Variants in CACNA1B observed in about 807,000 individuals in gnomAD.
CACNA1B encodes the protein calcium voltage-gated channel subunit alpha1 B.
In CACNA1B, 70 loss-of-function variants were observed where a neutral mutation model predicts 247.2. The observed-to-expected ratio is 0.28, with a 90% CI of 0.23 to 0.35. CACNA1B has a LOEUF of 0.35. Ranked by LOEUF, CACNA1B falls within the 10% of genes least tolerant of loss-of-function variation. CACNA1B has a pLI of 1.00. For synonymous variants in CACNA1B, 1,231 were observed against 1,294.4 expected, an observed-to-expected ratio of 0.95 and a Z score of 1.05; for missense variants, 2,367 against 3,197.4, an observed-to-expected ratio of 0.74 and a Z score of 6.26.
At position 138,046,909 on chromosome 9, in the gene CACNA1B, G is replaced by A. The variant is rs756199654; in HGVS notation, c.3419G>A (p.Arg1140His). 7 of 1,613,116 alleles carry A rather than the reference G, an allele frequency of 4.3e-6. No individual in the cohort carries two copies. Among genetic ancestry groups the A allele is most frequent in the Admixed American group, 1.7e-5 (1 of 59,978 alleles). The change falls in exon 22 of 47, where the codon CGC becomes CAC. Residue 1140 changes from arginine (R) to histidine (H), a missense_variant. Arg to His is a conservative substitution (Grantham distance 29). Transcript: ENST00000371372. Reference sequence around the variant, plus strand: ...ATCCGTGCCTTCCCTCACAGGCTCCGCCGCTTCTGCCACTACATCGTGACC... The same window carrying A: ...ATCCGTGCCTTCCCTCACAGGCTCCACCGCTTCTGCCACTACATCGTGACC... ...MFCLSPTNLL[R>H]RFCHYIVTMR...
At chr9:138,099,277 T>C (rs1400002663) in intron 37 of CACNA1B, among the ~76,000 whole-genome samples, 2 of 152,230 alleles carry the variant, frequency 1.3e-5, no homozygotes, top group Admixed American at 6.5e-5. Flanking sequence ...CACATGTGCA[T>C]GCACAAGGCG....
intron 39 of CACNA1B, among the ~76,000 whole-genome samples, chr9:138,108,914 A>G (rs1961531347): frequency 6.6e-6 from 1 of 152,216 alleles, no homozygotes; most frequent in African/African-American, 2.4e-5. Context: ...CTCCTCCCAA[A>G]GTGCTGGGAT....
chr9:138,103,714 G>A (rs1227374259), intron 38 of CACNA1B, among the ~76,000 whole-genome samples: 1 of 152,248 alleles, frequency 6.6e-6, no homozygotes, highest in Non-Finnish European at 1.5e-5. Context: ...ACGGCCTGTG[G>A]TTCAGCCAAC....
intron 20 of CACNA1B, among the ~76,000 whole-genome samples, chr9:138,037,298 C>A (rs1020115574): frequency 6.6e-6 from 1 of 152,194 alleles, no homozygotes; most frequent in African/African-American, 2.4e-5. Context: ...GCATCCCTGG[C>A]CTCTGCCTTC....
chr9:138,115,579 C>T lies in CACNA1B; in HGVS notation c.5677C>T (p.Leu1893=), dbSNP rs956313102. The T allele has an allele frequency of 8.1e-6, 13 of 1,613,602 alleles. No individual in the cohort carries two copies. Among genetic ancestry groups the T allele is most frequent in the Non-Finnish European group, 1.0e-5 (12 of 1,179,874 alleles). ...GGGTCCTGTGTCCCTGTTCCACCCTCTGAAGGCCACCCTGGAGCAGACACA... is the reference window on the plus strand; with the variant it reads ...GGGTCCTGTGTCCCTGTTCCACCCTTTGAAGGCCACCCTGGAGCAGACACA... ...QMGPVSLFHP[L]KATLEQTQPA... The change falls in exon 42 of 47, where the codon CTG becomes TTG. Residue 1893 remains leucine (L), a synonymous_variant. Transcript: ENST00000371372.
Position 137,939,831 on chromosome 9 carries a change from TAAATAAATAAATAAATAAAA to T in CACNA1B, c.967-12439_967-12420del, listed in dbSNP as rs1308307817. 8.0e-3 allele frequency among the ~76,000 whole-genome samples: 1,102 copies of T among 138,374 alleles called. 10 individuals carry two copies. Among genetic ancestry groups the T allele is most frequent in the Middle Eastern group, 0.021 (6 of 286 alleles). 90.8% of individuals were successfully genotyped at this position (138,374 alleles called of 152,430 possible). ...ATAAATAAATAAATAAATAAATAAA[TAAATAAATAAATAAATAAAA>T]AAAAATAAAATTCTTCGAACTGAAT... On this transcript the variant is annotated intron_variant, in intron 6 of 46. Coordinates refer to ENST00000371372, the MANE Select transcript of CACNA1B (RefSeq NM_000718.4).
At chr9:138,103,653 C>T (rs941079671) in intron 38 of CACNA1B, among the ~76,000 whole-genome samples, 2 of 152,202 alleles carry the variant, frequency 1.3e-5, no homozygotes, top group African/African-American at 4.8e-5. Context: ...TCCCCCAGCA[C>T]CCACCCACCT....
At chr9:137,901,466 C>T (rs1439035073) in intron 3 of CACNA1B, among the ~76,000 whole-genome samples, 1 of 152,124 alleles carries the variant, frequency 6.6e-6, no homozygotes, top group Non-Finnish European at 1.5e-5. Context: ...GCTGGGATTA[C>T]AGGCGCATAC....
intron 26 of CACNA1B, among the ~76,000 whole-genome samples, chr9:138,055,113 GTTCTTTTTTCTTT>G (rs1959446279): frequency 6.6e-6 from 1 of 151,006 alleles, no homozygotes; most frequent in Non-Finnish European, 1.5e-5. Context: ...AAAAAACAAA[GTTCTTTTTTCTTT>G]TTCTTTTTTT....
chr9:138,101,108 C>T (rs754668903), intron 37 of CACNA1B: 3 of 532,572 alleles, frequency 5.6e-6, no homozygotes, highest in Non-Finnish European at 3.9e-6. Context: ...TTCCAGTTGC[C>T]GGATTCATTA....
chr9:138,000,489 A>C (rs1958563290), intron 15 of CACNA1B, among the ~76,000 whole-genome samples: 1 of 152,192 alleles, frequency 6.6e-6, no homozygotes, highest in African/African-American at 2.4e-5. Flanking sequence ...TTATAAAAGA[A>C]ATTTAACAGA....
chr9:137,958,932 C>T (rs565405388), intron 10 of CACNA1B, among the ~76,000 whole-genome samples: 1 of 152,134 alleles, frequency 6.6e-6, no homozygotes, highest in South Asian at 2.1e-4. Flanking sequence ...CTGGACTTGG[C>T]CTTTGGTGAC....
At position 138,057,216 on chromosome 9, in the gene CACNA1B, C is replaced by A. The variant is rs1483847041; in HGVS notation, c.3969-516C>A. On this transcript the variant is annotated intron_variant, in intron 26 of 46. Transcript: ENST00000371372. The surrounding 1 kb of genome is among the most constrained non-coding windows in gnomAD (Gnocchi z 4.0). ...CCTCCCAAAGTGCTGGGATTACAGG[C>A]GTGAGCCACCGCGCCCGGCCTTTTT... Among the ~76,000 whole-genome samples the A allele has an allele frequency of 6.6e-6, 1 of 152,128 alleles. No homozygotes were observed.
chr9:137,989,088 G>A (rs539789628), intron 15 of CACNA1B, among the ~76,000 whole-genome samples: 6 of 152,288 alleles, frequency 3.9e-5, no homozygotes, highest in South Asian at 4.1e-4. Flanking sequence ...GTCAGAAGGC[G>A]TAATCACTCC....
intron 3 of CACNA1B, among the ~76,000 whole-genome samples, chr9:137,884,963 C>CA (rs1956986471): frequency 1.9e-5 from 2 of 107,016 alleles, no homozygotes; most frequent in Non-Finnish European, 4.2e-5. Context: ...CTCTTCCCCC[C>CA]CCCCCTCCTC....
At chr9:138,008,762 C>T (rs1958686682) in intron 16 of CACNA1B, among the ~76,000 whole-genome samples, 1 of 152,336 alleles carries the variant, frequency 6.6e-6, no homozygotes, top group Admixed American at 6.5e-5. Context: ...GGGGCAGCTT[C>T]CTCTCCCTAC....
intron 6 of CACNA1B, among the ~76,000 whole-genome samples, chr9:137,931,163 GAATGAAGA>G (rs1214500970): frequency 2.6e-5 from 4 of 152,266 alleles, no homozygotes; most frequent in South Asian, 4.1e-4. Context: ...AGCAACAAAG[GAATGAAGA>G]AATGAAGAAA....
chr9:138,047,544 A>C, intron 23 of CACNA1B, 86 bp downstream of exon 23: 1 of 908,962 alleles, frequency 1.1e-6, no homozygotes, highest in Admixed American at 1.9e-5. Context: ...TGGTTGAACC[A>C]CAATTTCTAT....
chr9:137,936,904 C>G (rs1957675092), intron 6 of CACNA1B, among the ~76,000 whole-genome samples: 1 of 152,182 alleles, frequency 6.6e-6, no homozygotes, highest in African/African-American at 2.4e-5. Flanking sequence ...AGTTTGAAGT[C>G]AGGTAGCGTG....
Sources: allele counts gnomAD v4.1 joint callset (sites outside exome capture counted in the v4.1 genomes callset), GRCh38; gene constraint gnomAD v4.1.1; non-coding constraint Gnocchi (gnomAD v3.1); transcripts MANE v1.5; gene names NCBI Gene and HGNC (gene_info 2026-07-23, HGNC 2026-07-21).